Variants in CTNNA1 observed in about 807,000 individuals in gnomAD.
CTNNA1 encodes catenin alpha-1.
In CTNNA1, 37 loss-of-function variants were observed where a neutral mutation model predicts 98.4. The ratio of observed to expected loss-of-function variants is 0.38; its 90% CI spans 0.29 to 0.49. The LOEUF (loss-of-function observed/expected upper bound fraction) is 0.49. Among genes scored for constraint, CTNNA1 ranks in the 20% least tolerant of loss-of-function variants. The pLI, the probability that CTNNA1 is intolerant of heterozygous loss-of-function variation, is 0.95. For synonymous variants in CTNNA1, 404 were observed against 413.2 expected (o/e 0.98, Z 0.27); for missense variants, 761 against 1,147.2 (o/e 0.66, Z 4.86).
chr5:138,885,236 A>G (rs190611965), intron 7 of CTNNA1, among the ~76,000 whole-genome samples: 30 of 152,296 alleles, frequency 2.0e-4, no homozygotes, highest in Non-Finnish European at 3.5e-4. Context: ...TGGCTTGTGT[A>G]CTAAGAGCAT....
chr5:138,875,083 T>A, intron 7 of CTNNA1: 1 of 597,514 alleles, frequency 1.7e-6, no homozygotes, highest in South Asian at 2.3e-5. Flanking sequence ...CCTTAGGATA[T>A]CCCTCTGGAA....
chr5:138,790,099 C>G (rs2149676085), intron 3 of CTNNA1, among the ~76,000 whole-genome samples: 1 of 152,160 alleles, frequency 6.6e-6, no homozygotes, highest in East Asian at 1.9e-4. Context: ...AGAGGTAGGA[C>G]CTAGAGTCTG....
intron 7 of CTNNA1, among the ~76,000 whole-genome samples, chr5:138,850,205 C>T (rs1167266023): frequency 6.6e-6 from 1 of 152,208 alleles, no homozygotes; most frequent in Admixed American, 6.5e-5. Context: ...TTTGGCCAAA[C>T]CATCCGCAAT....
In CTNNA1 at chr5:138,934,868, T is replaced by C. The variant is rs916361489; in HGVS notation, c.*779T>C. On this transcript the variant is annotated 3_prime_UTR_variant, in exon 18 of 18. Transcript: ENST00000302763. ...GACAACATAGTGTTTGCTAAGGCAG[T>C]AATTTAGACTTTACCTTATTTGTGA... is the stretch of plus-strand genomic sequence containing the variant. The C allele has an allele frequency of 1.3e-5, 2 of 152,370 alleles. No homozygotes were observed. The highest frequency in any genetic ancestry group is 4.8e-5 in the African/African-American group (2 of 41,254). 9.4% of individuals were successfully genotyped at this position (152,370 alleles called of 1,614,324 possible).
At chr5:138,872,271 G>A (rs1423140274) in intron 7 of CTNNA1, 2 of 152,572 alleles carry the variant, frequency 1.3e-5, no homozygotes, top group Admixed American at 6.5e-5. Context: ...TAAGTCAAAC[G>A]AGAAATGTAT....
At chr5:138,865,365 C>G (rs1267951285) in intron 7 of CTNNA1, among the ~76,000 whole-genome samples, 1 of 152,170 alleles carries the variant, frequency 6.6e-6, no homozygotes, top group Non-Finnish European at 1.5e-5. Flanking sequence ...GCTCCTTACC[C>G]TTAGCCTTTA....
At chr5:138,852,205 G>A (rs963580308) in intron 7 of CTNNA1, among the ~76,000 whole-genome samples, 41 of 152,186 alleles carry the variant, frequency 2.7e-4, no homozygotes, top group South Asian at 1.7e-3. Context: ...TTGAGTAATA[G>A]GGGTATGGAA....
intron 1 of CTNNA1, among the ~76,000 whole-genome samples, chr5:138,778,289 C>T (rs561259329): frequency 1.0e-3 from 152 of 152,190 alleles, no homozygotes; most frequent in African/African-American, 3.5e-3. Flanking sequence ...CCTCCGCGCC[C>T]GGCTGCTTTG....
intron 3 of CTNNA1, among the ~76,000 whole-genome samples, chr5:138,804,201 T>C (rs1469516639): frequency 2.0e-5 from 3 of 152,248 alleles, no homozygotes; most frequent in African/African-American, 7.2e-5. Context: ...TCTAGTTGCA[T>C]AGCTGGCAAG....
intron 5 of CTNNA1, among the ~76,000 whole-genome samples, chr5:138,820,574 A>T (rs1467620402): frequency 6.6e-6 from 1 of 151,870 alleles, no homozygotes; most frequent in East Asian, 1.9e-4. Context: ...TTCCCGGGTG[A>T]TCCTGGTTGG....
chr5:138,874,988 A>C lies in CTNNA1; in HGVS notation c.1063-11224A>C, dbSNP rs548624174. On this transcript the variant is annotated intron_variant, in intron 7 of 17. Coordinates refer to ENST00000302763, the MANE Select transcript of CTNNA1 (RefSeq NM_001903.5). The surrounding 1 kb of genome is among the most constrained non-coding windows in gnomAD (Gnocchi z 4.1). ...CAGTGAGTCTGTAAAAGGCTCTAAC[A>C]TGTAGGAGCCTTTGACCAGTTTCCT... 1.3e-5 allele frequency: 20 copies of C among 1,491,572 alleles called. No individual in the cohort carries two copies. The African/African-American group carries it at 2.8e-4, about 21-fold the overall frequency. The allele number at this position is 1,491,572 out of a possible 1,614,324, so 92.4% of individuals were successfully genotyped here.
chr5:138,854,864 C>T (rs1486315202), intron 7 of CTNNA1, among the ~76,000 whole-genome samples: 3 of 152,196 alleles, frequency 2.0e-5, no homozygotes, highest in Non-Finnish European at 4.4e-5. Flanking sequence ...AGTGATTCTC[C>T]TCCCAGCATT....
chr5:138,803,955 G>A (rs767648830), intron 3 of CTNNA1, among the ~76,000 whole-genome samples: 5 of 152,170 alleles, frequency 3.3e-5, no homozygotes, highest in Non-Finnish European at 7.4e-5. Flanking sequence ...TTTTGAAAGA[G>A]GCATGAATGC....
intron 1 of CTNNA1, among the ~76,000 whole-genome samples, chr5:138,775,276 G>C (rs532879608): frequency 6.6e-6 from 1 of 152,308 alleles, no homozygotes; most frequent in South Asian, 2.1e-4. Flanking sequence ...ATGACATTTG[G>C]TTGAGCTGTT....
intron 7 of CTNNA1, among the ~76,000 whole-genome samples, chr5:138,855,303 C>A (rs1400486798): frequency 2.0e-5 from 3 of 152,232 alleles, no homozygotes; most frequent in African/African-American, 7.2e-5. Flanking sequence ...TCCCAAAGTG[C>A]TGTGATTATA....
At chr5:138,923,133 C>T (rs1763268390) in intron 11 of CTNNA1, among the ~76,000 whole-genome samples, 1 of 152,072 alleles carries the variant, frequency 6.6e-6, no homozygotes, top group Admixed American at 6.6e-5. Context: ...CTTTCCTTTC[C>T]TTAGCAATGC....
At chr5:138,917,704 GAA>G (rs1406041140) in intron 10 of CTNNA1, 36 bp from the exon 11 acceptor site, 1 of 1,605,574 alleles carries the variant, frequency 6.2e-7, no homozygotes, top group East Asian at 2.2e-5. Context: ...CCATGACTCT[GAA>G]AAAGAGTAAA....
At position 138,873,754 on chromosome 5, in the gene CTNNA1, G is replaced by A; in HGVS notation, c.1063-12458G>A. On this transcript the variant is annotated intron_variant, in intron 7 of 17. Coordinates refer to ENST00000302763, the MANE Select transcript of CTNNA1 (RefSeq NM_001903.5). The surrounding 1 kb of genome is among the most constrained non-coding windows in gnomAD (Gnocchi z 6.1). The stretch of plus-strand genomic sequence containing the variant: ...TGGGCATCGTTTCAAACACTGTCAA[G>A]TCGATGGCTTTGATTTCATTTCCAG... 1 of 1,614,010 alleles carries A rather than the reference G, an allele frequency of 6.2e-7. No individual in the cohort carries two copies. Among genetic ancestry groups the A allele is most frequent in the African/African-American group, 1.3e-5 (1 of 75,048 alleles).
At position 138,865,002 on chromosome 5, in the gene CTNNA1, C is replaced by T. The variant is rs577431621; in HGVS notation, c.1063-21210C>T. 3.2e-4 allele frequency among the ~76,000 whole-genome samples: 48 copies of T among 151,958 alleles called. 1 individual carries two copies. Among genetic ancestry groups the T allele is most frequent in the African/African-American group, 1.0e-3 (43 of 41,458 alleles). The stretch of plus-strand genomic sequence containing the variant: ...CTAATTTTTGTATTTTTAGTAGAGA[C>T]GGGGTTTCACCATCTTGGCCAGGCT... On this transcript the variant is annotated intron_variant, in intron 7 of 17. Transcript: ENST00000302763.
Sources: allele counts gnomAD v4.1 joint callset (sites outside exome capture counted in the v4.1 genomes callset), GRCh38; gene constraint gnomAD v4.1.1; non-coding constraint Gnocchi (gnomAD v3.1); transcripts MANE v1.5; gene names NCBI Gene and HGNC (gene_info 2026-07-23, HGNC 2026-07-21).